The following CHORDC1 variants were observed in gnomAD, a reference collection of about 807,000 sequenced individuals.
CHORDC1 encodes the protein cysteine and histidine rich domain containing 1, also known as cysteine and histidine-rich domain-containing protein 1.
A neutral mutation model predicts 48.3 loss-of-function variants in CHORDC1; 25 were observed. The ratio of observed to expected loss-of-function variants is 0.52; its 90% CI spans 0.38 to 0.72. The LOEUF is 0.72. Ranked by LOEUF, CHORDC1 falls within the 30% of genes least tolerant of loss-of-function variation. The probability of loss-of-function intolerance (pLI) is 0.00; values close to 1 mark genes in which losing one functional copy is unlikely to be tolerated. For missense variants in CHORDC1, 317 were observed against 388.7 expected (o/e 0.82, Z 1.55); for synonymous variants, 128 against 126.4 (o/e 1.01, Z -0.09).
chr11:90,217,018 A>C (rs963604270), intron 2 of CHORDC1, among the ~76,000 whole-genome samples: 5 of 152,226 alleles, frequency 3.3e-5, no homozygotes, highest in Admixed American at 3.3e-4. Context: ...AAGAAAAATA[A>C]ACATTTCCAC....
chr11:90,218,238 T>G, intron 1 of CHORDC1, 54 bp from the exon 2 acceptor site: 1 of 1,301,976 alleles, frequency 7.7e-7, no homozygotes, highest in Non-Finnish European at 1.1e-6. Context: ...TGAAGAAAAA[T>G]ATATACATGA....
chr11:90,222,898 A>G lies in CHORDC1; in HGVS notation c.57T>C (p.Asn19=). ...GCGQRFDPET[N]SDDACTYHPG... is the part of the protein sequence containing the mutation. ...GCGGCGCGTTCCTCTTACCGTCGGA[A>G]TTGGTCTCAGGATCGAAGCGCTGAC... Residue 19 remains asparagine, a synonymous_variant, in exon 1 of 11, where the codon AAT becomes AAC. Transcript: ENST00000320585. The G allele has an allele frequency of 6.2e-7, 1 of 1,613,996 alleles. No individual in the cohort carries two copies. The highest frequency in any genetic ancestry group is 2.2e-5 in the East Asian group (1 of 44,862).
chr11:90,204,603 C>T (rs1009576708), intron 8 of CHORDC1, among the ~76,000 whole-genome samples: 22 of 151,902 alleles, frequency 1.4e-4, no homozygotes, highest in Admixed American at 4.6e-4. Flanking sequence ...CACCTGTAGT[C>T]CCAGCTACTA....
intron 4 of CHORDC1, chr11:90,213,461 C>T (rs1287967910): frequency 2.9e-6 from 2 of 683,798 alleles, no homozygotes; most frequent in South Asian, 1.6e-5. Context: ...TGTGGGAATA[C>T]AGAGTCTGGT....
chr11:90,204,245 G>C (rs1857611135), intron 8 of CHORDC1, among the ~76,000 whole-genome samples: 1 of 151,710 alleles, frequency 6.6e-6, no homozygotes, highest in Non-Finnish European at 1.5e-5. Flanking sequence ...ATTTTATCTA[G>C]GATTATACTC....
intron 2 of CHORDC1, chr11:90,216,627 T>G: frequency 2.5e-6 from 1 of 397,098 alleles, no homozygotes; most frequent in Non-Finnish European, 4.9e-6. Flanking sequence ...CAAAAATACT[T>G]CAAAGTGAAT....
In CHORDC1 at chr11:90,201,724, A is replaced by G. The variant is rs184672857; in HGVS notation, c.*681T>C. ...TGTTAAGATTATTGCTTAGTCTTAT[A>G]AAATGGTGAATTTTAACCAAATTGA... On this transcript the variant is annotated 3_prime_UTR_variant, in exon 11 of 11. Transcript: ENST00000320585. 1.3e-3 allele frequency: 205 copies of G among 152,562 alleles called. 2 individuals carry two copies. The highest frequency in any genetic ancestry group is 4.6e-3 in the African/African-American group (193 of 41,572). The allele number at this position is 152,562 out of a possible 1,614,324, so 9.5% of individuals were successfully genotyped here.
In CHORDC1 at chr11:90,203,075, T is replaced by C. The variant is rs535971563; in HGVS notation, c.790-200A>G. Among the ~76,000 whole-genome samples, 37 of 152,304 alleles carry C rather than the reference T, an allele frequency of 2.4e-4. No homozygotes were observed. In the South Asian group the frequency reaches 7.7e-3, roughly 32 times the overall value. On this transcript the variant is annotated intron_variant, in intron 9 of 10. Coordinates refer to ENST00000320585, the MANE Select transcript of CHORDC1 (RefSeq NM_012124.3). ...GTTTCATATTGAGAACTAAGTACTA[T>C]ATTACTTGATAAATCTACTACAGTA... is the stretch of plus-strand genomic sequence containing the variant.
intron 1 of CHORDC1, chr11:90,222,662 A>T (rs1053614159): frequency 2.9e-6 from 2 of 692,336 alleles, no homozygotes; most frequent in Non-Finnish European, 2.6e-6. Context: ...CTCTCTCCGC[A>T]GTGGCAGAGG....
chr11:90,200,851 C>A lies in CHORDC1; in HGVS notation c.*1554G>T, dbSNP rs575362401. 2.4e-4 allele frequency among the ~76,000 whole-genome samples: 36 copies of A among 152,082 alleles called. No individual in the cohort carries two copies. Among genetic ancestry groups the A allele is most frequent in the African/African-American group, 8.4e-4 (35 of 41,554 alleles). ...AACTAATTATCAACCTTTCCCCCAA[C>A]CCATAAAGACTTCATGTCTCTAAAT... On this transcript the variant is annotated 3_prime_UTR_variant, in exon 11 of 11. Coordinates refer to ENST00000320585, the MANE Select transcript of CHORDC1 (RefSeq NM_012124.3).
chr11:90,204,020 G>C (rs1207104698), intron 8 of CHORDC1, among the ~76,000 whole-genome samples: 1 of 151,668 alleles, frequency 6.6e-6, no homozygotes, highest in Non-Finnish European at 1.5e-5. Context: ...TTTTATAGAG[G>C]CAAATGATGA....
At chr11:90,213,334 CAAAAAAA>C in intron 4 of CHORDC1, 11 of 574,576 alleles carry the variant, frequency 1.9e-5, no homozygotes, top group South Asian at 9.8e-5. Flanking sequence ...TACTTGCAGC[CAAAAAAA>C]AAAAAAAAAA....
intron 10 of CHORDC1, 50 bp from the exon 11 acceptor site, chr11:90,202,601 C>G: frequency 6.3e-7 from 1 of 1,585,062 alleles, no homozygotes; most frequent in Non-Finnish European, 8.6e-7. Flanking sequence ...TTTTATTAGT[C>G]TCAGAGGAAA....
At chr11:90,222,563 C>A (rs1453901730) in intron 1 of CHORDC1, 1 of 555,214 alleles carries the variant, frequency 1.8e-6, no homozygotes, top group Non-Finnish European at 3.4e-6. Context: ...GACTGGAGGG[C>A]CAGAGGAGAA....
At chr11:90,211,175 A>G in intron 5 of CHORDC1, 40 bp downstream of exon 5, 1 of 1,343,570 alleles carries the variant, frequency 7.4e-7, no homozygotes, top group Admixed American at 1.7e-5. Context: ...GCTTAACTGT[A>G]CCAGAAAATA....
chr11:90,202,711 T>C (rs1857571917), intron 10 of CHORDC1, 102 bp downstream of exon 10: 1 of 1,400,792 alleles, frequency 7.1e-7, no homozygotes, highest in Non-Finnish European at 9.7e-7. Flanking sequence ...TGTTAAGTTA[T>C]ACATCTATAC....
rs1469455138 is a variant in CHORDC1, at chr11:90,213,268, G to A, written c.329+750C>T. ...TAAATTTATTTAAGTAGGATCAAAG[G>A]AGAATAAAGGGAAAATCATGAGTTC... On this transcript the variant is annotated intron_variant, in intron 4 of 10. Coordinates refer to ENST00000320585, the MANE Select transcript of CHORDC1 (RefSeq NM_012124.3). 2.1e-5 allele frequency: 12 copies of A among 567,080 alleles called. No individual in the cohort carries two copies. The African/African-American group carries it at 2.3e-4, about 11-fold the overall frequency. The allele number at this position is 567,080 out of a possible 1,614,324, so 35.1% of individuals were successfully genotyped here. A position where few individuals can be genotyped will look rare whatever the true frequency, so the allele number is the denominator to read the frequency against.
intron 2 of CHORDC1, among the ~76,000 whole-genome samples, chr11:90,217,267 A>G (rs1263919373): frequency 2.0e-5 from 3 of 152,234 alleles, no homozygotes; most frequent in African/African-American, 7.2e-5. Flanking sequence ...AAACATGTTA[A>G]GACTGCTTAT....
Position 90,222,880 on chromosome 11 carries a change from G to C in CHORDC1, c.64+11C>G. 1.2e-6 allele frequency: 2 copies of C among 1,613,076 alleles called. No homozygotes were observed. Among genetic ancestry groups the C allele is most frequent in the Non-Finnish European group, 8.5e-7 (1 of 1,179,220 alleles). Reference sequence around the variant, plus strand: ...GGAGGGGAGGGAGGGCTGGCGGCGCGTTCCTCTTACCGTCGGAATTGGTCT... The same window carrying C: ...GGAGGGGAGGGAGGGCTGGCGGCGCCTTCCTCTTACCGTCGGAATTGGTCT... On this transcript the variant is annotated intron_variant, in intron 1 of 10. Transcript: ENST00000320585.
Sources: allele counts gnomAD v4.1 joint callset (sites outside exome capture counted in the v4.1 genomes callset), GRCh38; gene constraint gnomAD v4.1.1; transcripts MANE v1.5; gene names NCBI Gene and HGNC (gene_info 2026-07-23, HGNC 2026-07-21).